MIGA1: variants seen among roughly 807,000 people sequenced by gnomAD.
MIGA1 encodes the protein mitoguardin 1, also known as family with sequence similarity 73, member A.
Under a neutral mutation model 82.0 loss-of-function variants are expected in MIGA1, and 58 were observed. That is an observed-to-expected ratio of 0.71 (90% CI 0.57 to 0.88). The LOEUF (loss-of-function observed/expected upper bound fraction) is 0.88, where lower values mean the gene tolerates loss of function less well. Among genes scored for constraint, MIGA1 ranks in the 40% least tolerant of loss-of-function variants. MIGA1 has a pLI of 0.00. For synonymous variants in MIGA1, 249 were observed against 253.6 expected, an observed-to-expected ratio of 0.98 and a Z score of 0.17; for missense variants, 751 against 749.1, an observed-to-expected ratio of 1.00 and a Z score of -0.03.
Position 77,875,132 on chromosome 1 carries a change from A to G in MIGA1, c.*68A>G, listed in dbSNP as rs1029136794. On this transcript the variant is annotated 3_prime_UTR_variant, in exon 16 of 16. Transcript: ENST00000370791. ...TTAAGGTAACTATTGATTTTGTAACATATATTACAAAGTTAACAGAATTGA... is the reference window on the plus strand; with the variant it reads ...TTAAGGTAACTATTGATTTTGTAACGTATATTACAAAGTTAACAGAATTGA... The G allele has an allele frequency of 1.6e-5, 20 of 1,286,480 alleles. No homozygotes were observed. Among genetic ancestry groups the G allele is most frequent in the Middle Eastern group, 4.3e-4 (2 of 4,692 alleles). The allele number at this position is 1,286,480 out of a possible 1,614,324, so 79.7% of individuals were successfully genotyped here.
intron 13 of MIGA1, among the ~76,000 whole-genome samples, chr1:77,865,632 A>G (rs1685634843): frequency 6.6e-6 from 1 of 152,146 alleles, no homozygotes; most frequent in South Asian, 2.1e-4. Flanking sequence ...ATTATTACAC[A>G]TAGAATATTT....
At chr1:77,811,291 G>C (rs1683317448) in intron 5 of MIGA1, 2 of 1,597,384 alleles carry the variant, frequency 1.3e-6, no homozygotes, top group Non-Finnish European at 8.6e-7. Flanking sequence ...TGTCATTCCT[G>C]GTTCCGATGG....
intron 8 of MIGA1, among the ~76,000 whole-genome samples, chr1:77,849,435 AATAAT>A (rs1176578194): frequency 6.6e-6 from 1 of 152,144 alleles, no homozygotes; most frequent in African/African-American, 2.4e-5. Context: ...TAACTCTTCT[AATAAT>A]GTTGGTTTTG....
At chr1:77,808,508 A>T (rs949371944) in intron 5 of MIGA1, among the ~76,000 whole-genome samples, 3 of 152,116 alleles carry the variant, frequency 2.0e-5, no homozygotes, top group Non-Finnish European at 2.9e-5. Flanking sequence ...CCAGAAAAAA[A>T]TTTTAAATAG....
chr1:77,828,657 T>C (rs1684121711), intron 7 of MIGA1, among the ~76,000 whole-genome samples: 1 of 152,170 alleles, frequency 6.6e-6, no homozygotes, highest in Non-Finnish European at 1.5e-5. Flanking sequence ...CCAGTAAGTC[T>C]GTTTGTCTTT....
intron 8 of MIGA1, chr1:77,848,706 C>G (rs1684933991): frequency 1.9e-6 from 3 of 1,555,318 alleles, no homozygotes; most frequent in Non-Finnish European, 2.7e-6. Flanking sequence ...CAAAGAGGAA[C>G]AACGAAGAAA....
At position 77,875,071 on chromosome 1, in the gene MIGA1, T is replaced by C; in HGVS notation, c.*7T>C. 6.3e-7 allele frequency: 1 copy of C among 1,590,528 alleles called. No individual in the cohort carries two copies. The highest frequency in any genetic ancestry group is 8.6e-7 in the Non-Finnish European group (1 of 1,159,280). ...GGAAGCCAAAGTACAATAAGTACCA[T>C]AAGAATCATACAATTTGAGTGTGCT... On this transcript the variant is annotated 3_prime_UTR_variant, in exon 16 of 16. Coordinates refer to ENST00000370791, the MANE Select transcript of MIGA1 (RefSeq NM_198549.4).
At chr1:77,797,733 T>G (rs149010392) in intron 2 of MIGA1, among the ~76,000 whole-genome samples, 1 of 152,326 alleles carries the variant, frequency 6.6e-6, no homozygotes, top group South Asian at 2.1e-4. Context: ...TAGTATTACT[T>G]TTTGAAATTC....
intron 8 of MIGA1, among the ~76,000 whole-genome samples, chr1:77,846,422 G>C (rs1269373234): frequency 6.6e-6 from 1 of 151,836 alleles, no homozygotes; most frequent in Admixed American, 6.6e-5. Flanking sequence ...ATTTTTTATA[G>C]AATTACCACT....
Position 77,875,341 on chromosome 1 carries a change from A to G in MIGA1, c.*277A>G, listed in dbSNP as rs78512803. 1,745 of 309,406 alleles carry G rather than the reference A, an allele frequency of 5.6e-3. 37 individuals carry two copies. Among genetic ancestry groups the G allele is most frequent in the African/African-American group, 0.035 (1,623 of 45,872 alleles). The allele number at this position is 309,406 out of a possible 1,614,324, so 19.2% of individuals were successfully genotyped here. On this transcript the variant is annotated 3_prime_UTR_variant, in exon 16 of 16. Coordinates refer to ENST00000370791, the MANE Select transcript of MIGA1 (RefSeq NM_198549.4). ...AGAAATATCGCTTGAATTGAAGCCAATATTTGGGAGTTAATTGGTTTGTCT... is the reference window on the plus strand; with the variant it reads ...AGAAATATCGCTTGAATTGAAGCCAGTATTTGGGAGTTAATTGGTTTGTCT...
intron 14 of MIGA1, among the ~76,000 whole-genome samples, chr1:77,871,110 A>AGAGGGC (rs1685970764): frequency 7.7e-5 from 1 of 13,046 alleles, no homozygotes; most frequent in Non-Finnish European, 3.3e-4. Flanking sequence ...AGGGAGAGGG[A>AGAGGGC]GAGGGAGAGG....
chr1:77,857,572 C>T (rs950902593), intron 8 of MIGA1, among the ~76,000 whole-genome samples: 5 of 151,610 alleles, frequency 3.3e-5, no homozygotes, highest in African/African-American at 4.8e-5. Flanking sequence ...CCCAGCTACT[C>T]GGGAGGCTGA....
At chr1:77,856,378 G>T (rs2101926141) in intron 8 of MIGA1, among the ~76,000 whole-genome samples, 1 of 152,260 alleles carries the variant, frequency 6.6e-6, no homozygotes, top group Non-Finnish European at 1.5e-5. Context: ...TCCTTTCCTG[G>T]TTTTGGTATT....
chr1:77,862,566 C>G (rs971957637), intron 12 of MIGA1, among the ~76,000 whole-genome samples: 1 of 152,074 alleles, frequency 6.6e-6, no homozygotes, highest in African/African-American at 2.4e-5. Flanking sequence ...GCCTGACCAA[C>G]ATGGTGAAAC....
chr1:77,819,575 C>T (rs189422307), intron 7 of MIGA1, among the ~76,000 whole-genome samples: 10 of 150,546 alleles, frequency 6.6e-5, no homozygotes, highest in East Asian at 2.0e-4. Context: ...TGAACCACTG[C>T]GCCTGGCCTA....
intron 7 of MIGA1, among the ~76,000 whole-genome samples, chr1:77,842,050 G>T (rs527671997): frequency 1.3e-5 from 2 of 151,502 alleles, no homozygotes; most frequent in South Asian, 4.2e-4. Flanking sequence ...TCCAAAGCAC[G>T]GGGATGATTA....
At chr1:77,869,599 A>G (rs28690545) in intron 14 of MIGA1, among the ~76,000 whole-genome samples, 66 of 123,906 alleles carry the variant, frequency 5.3e-4, no homozygotes, top group African/African-American at 1.7e-3. Flanking sequence ...CTCCCGGACG[A>G]GGCGGCTGGC....
intron 7 of MIGA1, among the ~76,000 whole-genome samples, chr1:77,827,460 T>G (rs554277437): frequency 9.2e-5 from 14 of 151,792 alleles, no homozygotes; most frequent in East Asian, 1.9e-4. Flanking sequence ...GGTGACAGAG[T>G]GAGACCCTGT....
chr1:77,874,792 C>T (rs2101991152), intron 15 of MIGA1, 54 bp from the exon 16 acceptor site: 2 of 1,257,392 alleles, frequency 1.6e-6, no homozygotes, highest in Non-Finnish European at 2.3e-6. Flanking sequence ...TAGAAGCTTT[C>T]TCAATGTAAC....
Sources: gnomAD v4.1 joint callset for allele counts (sites outside exome capture counted in the v4.1 genomes callset) on GRCh38, gnomAD v4.1.1 for gene constraint, MANE v1.5 for transcripts, NCBI Gene and HGNC (gene_info 2026-07-23, HGNC 2026-07-21) for gene names.